The following FLT4 variants were observed in gnomAD, a reference collection of about 807,000 sequenced individuals.
The protein encoded by FLT4 is vascular endothelial growth factor receptor 3.
In FLT4, 30 loss-of-function variants were observed where a neutral mutation model predicts 163.2. The observed-to-expected ratio is 0.18, with a 90% CI of 0.14 to 0.25. The LOEUF (loss-of-function observed/expected upper bound fraction) is 0.25. Ranked by LOEUF, FLT4 falls within the 10% of genes least tolerant of loss-of-function variation. The pLI, the probability that FLT4 is intolerant of heterozygous loss-of-function variation, is 1.00. For missense variants in FLT4, 1,510 were observed against 1,863.8 expected (o/e 0.81, Z 3.50); for synonymous variants, 884 against 789.5 (o/e 1.12, Z -2.01).
At position 180,620,672 on chromosome 5, in the gene FLT4, A is replaced by G. The variant is rs754623671; in HGVS notation, c.2343T>C (p.Gly781=). The change falls in exon 16 of 30, where the codon GGT becomes GGC. Residue 781 remains glycine (G), a synonymous_variant. Transcript: ENST00000261937. The surrounding 1 kb of genome is among the most constrained non-coding windows in gnomAD (Gnocchi z 4.4). Reference sequence around the variant, plus strand: ...AGAAGAAGACAGCGATGACGCCGGTACCGACAAGGATCACGATCTCCATGC... The same window carrying G: ...AGAAGAAGACAGCGATGACGCCGGTGCCGACAAGGATCACGATCTCCATGC... The part of the protein sequence containing the change: ...KGSMEIVILV[G]TGVIAVFFWV... 2 of 1,613,582 alleles carry G rather than the reference A, an allele frequency of 1.2e-6. No individual in the cohort carries two copies. Among genetic ancestry groups the G allele is most frequent in the Non-Finnish European group, 1.7e-6 (2 of 1,179,996 alleles).
chr5:180,618,697 G>C (rs2127806213), intron 21 of FLT4, 73 bp downstream of exon 21: 1 of 323,958 alleles, frequency 3.1e-6, no homozygotes, highest in Non-Finnish European at 4.9e-6. Context: ...AGGACCCCAG[G>C]CTGGGGTGCC....
chr5:180,621,540 A>G lies in FLT4; in HGVS notation c.2020+2T>C. The G allele has an allele frequency of 6.2e-7, 1 of 1,611,722 alleles. No individual in the cohort carries two copies. The highest frequency in any genetic ancestry group is 8.5e-7 in the Non-Finnish European group (1 of 1,179,536). ...CCCCGCCCTCCCCGCGGCCAGCCTC[A>G]CCCTGCACCGACAGGTACTTCTTGT... On this transcript the variant is annotated splice_donor_variant, in intron 13 of 29. Transcript: ENST00000261937. LOFTEE classifies it high-confidence loss of function.
At chr5:180,649,778 G>C (rs1035347507), upstream of FLT4, among the ~76,000 whole-genome samples, 3 of 151,922 alleles carry the variant, frequency 2.0e-5, no homozygotes, top group Non-Finnish European at 4.4e-5. Flanking sequence ...GCCCCCTCCT[G>C]GGCGGCTCCG....
In FLT4 at chr5:180,620,107, C is replaced by T. The variant is rs1212976843; in HGVS notation, c.2542+66G>A. 2 of 1,558,818 alleles carry T rather than the reference C, an allele frequency of 1.3e-6. No homozygotes were observed. Among genetic ancestry groups the T allele is most frequent in the Non-Finnish European group, 1.7e-6 (2 of 1,152,810 alleles). ...AGTTTTGAAAATGGAGGGATTCAGG[C>T]ACTCCGGCCTGCAGCAGGTGGGTCG... On this transcript the variant is annotated intron_variant, in intron 17 of 29. Transcript: ENST00000261937. The surrounding 1 kb of genome is among the most constrained non-coding windows in gnomAD (Gnocchi z 4.4).
At chr5:180,608,219 C>T (rs1455684519) in intron 29 of FLT4, 4 of 700,660 alleles carry the variant, frequency 5.7e-6, no homozygotes, top group Non-Finnish European at 1.0e-5. Context: ...AGTCTTTGAT[C>T]TTTCTTATAA....
rs764139406 is a variant in FLT4, at chr5:180,623,909, C to A, written c.1548+26G>T. ...CTCCTCCCTTCTCCTTCTCCCTGGG[C>A]ACTCAGCAGCGCGGCTGGCCTGTAC... On this transcript the variant is annotated intron_variant, in intron 11 of 29. Transcript: ENST00000261937. The surrounding 1 kb of genome is among the most constrained non-coding windows in gnomAD (Gnocchi z 5.8). The A allele has an allele frequency of 6.2e-7, 1 of 1,613,230 alleles. No individual in the cohort carries two copies. Among genetic ancestry groups the A allele is most frequent in the Admixed American group, 1.7e-5 (1 of 60,030 alleles).
Position 180,620,506 on chromosome 5 carries a change from C to G in FLT4, c.2406+103G>C. ...CAGGGAGGCTTCCCAGGAAACAAGG[C>G]TGCCAGGTGAACTAGGGCGGGCACC... is the stretch of plus-strand genomic sequence containing the variant. On this transcript the variant is annotated intron_variant, in intron 16 of 29. Transcript: ENST00000261937. The surrounding 1 kb of genome is among the most constrained non-coding windows in gnomAD (Gnocchi z 4.4). 1 of 1,193,538 alleles carries G rather than the reference C, an allele frequency of 8.4e-7. No individual in the cohort carries two copies. The highest frequency in any genetic ancestry group is 1.2e-6 in the Non-Finnish European group (1 of 811,634). 73.9% of individuals were successfully genotyped at this position (1,193,538 alleles called of 1,614,324 possible). A position where few individuals can be genotyped will look rare whatever the true frequency, so the allele number is the denominator to read the frequency against.
At chr5:180,649,616 G>C, upstream of FLT4, 1 of 925,038 alleles carries the variant, frequency 1.1e-6, no homozygotes, top group Non-Finnish European at 1.4e-6. Context: ...CGCGGGCGCC[G>C]GCTGGCCTGG....
At chr5:180,619,461 C>A in intron 18 of FLT4, 95 bp from the exon 19 acceptor site, 2 of 995,838 alleles carry the variant, frequency 2.0e-6, no homozygotes, top group Non-Finnish European at 3.1e-6. Context: ...TTACTAAGGG[C>A]CCCCAGGACA....
intron 24 of FLT4, chr5:180,613,335 C>T: frequency 2.0e-6 from 1 of 489,758 alleles, no homozygotes; most frequent in Non-Finnish European, 3.6e-6. Flanking sequence ...GAGGACTGTG[C>T]CGCCTGCTTG....
rs201431522 is a variant in FLT4 at position 180,614,081 on chromosome 5, C to T, written c.3318G>A (p.Glu1106=). Residue 1106 remains glutamate, a synonymous_variant, in exon 24 of 30, where the codon GAG becomes GAA. Coordinates refer to ENST00000261937, the MANE Select transcript of FLT4 (RefSeq NM_182925.5). ...TCCTGCACTCACCCAGAGAGAAGATCTCCCAGAGAAGCACCCCAAAGGACC... is the reference window on the plus strand; with the variant it reads ...TCCTGCACTCACCCAGAGAGAAGATTTCCCAGAGAAGCACCCCAAAGGACC... ...DVWSFGVLLW[E]IFSLGASPYP... 5 of 1,612,632 alleles carry T rather than the reference C, an allele frequency of 3.1e-6. No homozygotes were observed. The African/African-American group carries it at 4.0e-5, about 13-fold the overall frequency.
chr5:180,612,278 T>C (rs1380774988), intron 26 of FLT4: 3 of 591,436 alleles, frequency 5.1e-6, no homozygotes, highest in Admixed American at 5.9e-5. Context: ...GCTCTGACTA[T>C]CCACACAGCA....
intron 1 of FLT4, among the ~76,000 whole-genome samples, chr5:180,633,852 G>A (rs1235265669): frequency 6.6e-6 from 1 of 152,120 alleles, no homozygotes; most frequent in African/African-American, 2.4e-5. Flanking sequence ...GACCAGGCTC[G>A]AGGCCAGTGT....
chr5:180,619,794 A>C (rs1762982135), intron 17 of FLT4, 25 bp from the exon 18 acceptor site: 2 of 1,567,828 alleles, frequency 1.3e-6, no homozygotes, highest in South Asian at 2.2e-5. Context: ...GGCCAGTTGC[A>C]GGTGAGCTGT....
chr5:180,641,319 G>A (rs934503447), intron 1 of FLT4, among the ~76,000 whole-genome samples: 3 of 152,254 alleles, frequency 2.0e-5, no homozygotes, highest in Admixed American at 6.5e-5. Context: ...CACAGGGATG[G>A]CACTGGGATT....
At chr5:180,603,492 G>T in intron 29 of FLT4, 102 bp from the exon 30 acceptor site, 1 of 1,055,948 alleles carries the variant, frequency 9.5e-7, no homozygotes, top group East Asian at 2.5e-5. Flanking sequence ...CAGGCGGATG[G>T]CTTCAGGCCA....
Position 180,630,787 on chromosome 5 carries a change from G to A in FLT4, c.168C>T (p.Pro56=), listed in dbSNP as rs373472320. 1.6e-5 allele frequency: 25 copies of A among 1,604,082 alleles called. No individual in the cohort carries two copies. The highest frequency in any genetic ancestry group is 1.7e-4 in the Middle Eastern group (1 of 6,056). ...SLSISCRGQH[P]LEWAWPGAQE... ...GAGCTCCTGGCCAAGCCCACTCGAG[G>A]GGGTGCTGTCCCCTGGCAGAGGACA... The change falls in exon 3 of 30, where the codon CCC becomes CCT. Residue 56 remains proline (P), a synonymous_variant. Transcript: ENST00000261937. The surrounding 1 kb of genome is among the most constrained non-coding windows in gnomAD (Gnocchi z 6.3).
chr5:180,620,376 G>GAACTTTGC lies in FLT4; in HGVS notation c.2407-76_2407-69dup. On this transcript the variant is annotated intron_variant, in intron 16 of 29. Transcript: ENST00000261937. This position sits in a 1 kb window ranked among gnomAD's most constrained non-coding sequence, Gnocchi z 4.4. ...TGGCCATACCACTGTGGCTTGGGCA[G>GAACTTTGC]AACTTTGCCCAGGACAGATGGCACT... 1 of 1,589,114 alleles carries GAACTTTGC rather than the reference G, an allele frequency of 6.3e-7. No individual in the cohort carries two copies. Among genetic ancestry groups the GAACTTTGC allele is most frequent in the Non-Finnish European group, 8.6e-7 (1 of 1,165,414 alleles).
At chr5:180,637,469 TC>T (rs1389525798) in intron 1 of FLT4, among the ~76,000 whole-genome samples, 3 of 151,826 alleles carry the variant, frequency 2.0e-5, no homozygotes. Flanking sequence ...GTGCCCAGGG[TC>T]CCCCCACCAC....
Sources: gnomAD v4.1 joint callset for allele counts (sites outside exome capture counted in the v4.1 genomes callset) on GRCh38, gnomAD v4.1.1 for gene constraint, Gnocchi (gnomAD v3.1) non-coding constraint, MANE v1.5 for transcripts, NCBI Gene and HGNC (gene_info 2026-07-23, HGNC 2026-07-21) for gene names.